Variants in RUFY3 observed in about 807,000 individuals in gnomAD.
RUFY3 encodes the protein protein RUFY3.
Under a neutral mutation model 84.0 loss-of-function variants are expected in RUFY3, and 34 were observed. The ratio of observed to expected loss-of-function variants is 0.40; its 90% CI spans 0.31 to 0.54. The LOEUF is 0.54. Among genes scored for constraint, RUFY3 ranks in the 20% least tolerant of loss-of-function variants. The pLI, the probability that RUFY3 is intolerant of heterozygous loss-of-function variation, is 0.39. For missense variants in RUFY3, 507 were observed against 736.8 expected (o/e 0.69, Z 3.61); for synonymous variants, 242 against 252.9 (o/e 0.96, Z 0.41).
chr4:70,757,204 G>C lies in RUFY3; in HGVS notation c.179-5315G>C, dbSNP rs573394228. 5.2e-4 allele frequency among the ~76,000 whole-genome samples: 79 copies of C among 152,340 alleles called. 2 individuals are homozygous for C. The South Asian group carries it at 0.016, about 31-fold the overall frequency. ...AGATGGGAGAATCACTTGAGCCTGG[G>C]AGATTGGGACTACAGTGAGTTGTGA... On this transcript the variant is annotated intron_variant, in intron 1 of 17. Coordinates refer to ENST00000381006, the MANE Select transcript of RUFY3 (RefSeq NM_001037442.4).
chr4:70,742,510 A>C (rs998111581), intron 1 of RUFY3, among the ~76,000 whole-genome samples: 2 of 152,122 alleles, frequency 1.3e-5, no homozygotes, highest in African/African-American at 4.8e-5. Context: ...CGCCTGTGCC[A>C]CCTGCGAACC....
chr4:70,778,587 T>TC, intron 8 of RUFY3, 149 bp downstream of exon 8: 1 of 499,712 alleles, frequency 2.0e-6, no homozygotes, highest in East Asian at 3.8e-5. Flanking sequence ...TTTTTTTTTT[T>TC]TTTTTTTTTG....
intron 4 of RUFY3, among the ~76,000 whole-genome samples, chr4:70,765,162 C>T (rs201236559): frequency 2.2e-5 from 3 of 136,040 alleles, no homozygotes; most frequent in Non-Finnish European, 3.1e-5. Context: ...CTCTTCAGCC[C>T]GGGCGACAGA....
intron 6 of RUFY3, among the ~76,000 whole-genome samples, chr4:70,774,113 C>T (rs1727435292): frequency 6.6e-6 from 1 of 152,038 alleles, no homozygotes; most frequent in South Asian, 2.1e-4. Context: ...ATAAATTTAG[C>T]CATTGAAAGC....
chr4:70,741,797 C>A, intron 1 of RUFY3: 1 of 664,526 alleles, frequency 1.5e-6, no homozygotes, highest in Non-Finnish European at 2.3e-6. Flanking sequence ...TTTCCCATGG[C>A]AATAAGTGGA....
intron 10 of RUFY3, among the ~76,000 whole-genome samples, chr4:70,788,209 C>T (rs1313905219): frequency 6.6e-6 from 1 of 151,430 alleles, no homozygotes; most frequent in East Asian, 2.0e-4. Flanking sequence ...CGCTTGAACC[C>T]GGGAGGTGGA....
intron 1 of RUFY3, among the ~76,000 whole-genome samples, chr4:70,729,811 A>G (rs1336843957): frequency 6.6e-6 from 1 of 152,146 alleles, no homozygotes; most frequent in African/African-American, 2.4e-5. Flanking sequence ...AAAGATGAAC[A>G]TTAGTAGTAG....
At chr4:70,792,629 C>T (rs899223271) in intron 12 of RUFY3, 3 of 985,342 alleles carry the variant, frequency 3.0e-6, no homozygotes, top group Non-Finnish European at 3.6e-6. Context: ...TGCTTTGCAG[C>T]ATTTCAGCTG....
chr4:70,725,392 G>A (rs956167442), intron 1 of RUFY3, among the ~76,000 whole-genome samples: 4 of 150,964 alleles, frequency 2.6e-5, no homozygotes, highest in South Asian at 2.1e-4. Context: ...GTGCAATGGC[G>A]CAATCTTGGC....
In RUFY3 at chr4:70,778,353, C is replaced by A. The variant is rs1173194636; in HGVS notation, c.825-16C>A. ...TGTTTTTCAAAAGTGACTTTTTTTT[C>A]TTCTCTATATTATAGTGCTACTGTA... On this transcript the variant is annotated splice_polypyrimidine_tract_variant and intron_variant, in intron 7 of 17. Transcript: ENST00000381006. The A allele has an allele frequency of 6.8e-7, 1 of 1,474,480 alleles. No homozygotes were observed. The allele number at this position is 1,474,480 out of a possible 1,614,324, so 91.3% of individuals were successfully genotyped here.
Position 70,775,956 on chromosome 4 carries a change from A to AC in RUFY3, c.824+723_824+724insC, listed in dbSNP as rs1356630180. On this transcript the variant is annotated intron_variant, in intron 7 of 17. Coordinates refer to ENST00000381006, the MANE Select transcript of RUFY3 (RefSeq NM_001037442.4). ...ACACTGTCTTAAACAAAAAAAAAAAAACGAAAAAAAAGATACATGCTTTGT... is the reference window on the plus strand; with the variant it reads ...ACACTGTCTTAAACAAAAAAAAAAAACACGAAAAAAAAGATACATGCTTTGT... Among the ~76,000 whole-genome samples the AC allele has an allele frequency of 1.4e-4, 21 of 151,472 alleles. No individual in the cohort carries two copies. The East Asian group carries it at 2.9e-3, about 21-fold the overall frequency.
At chr4:70,766,535 G>A (rs1004760385) in intron 4 of RUFY3, among the ~76,000 whole-genome samples, 19 of 152,034 alleles carry the variant, frequency 1.2e-4, no homozygotes, top group Admixed American at 4.6e-4. Flanking sequence ...GTGAGCCACC[G>A]CACCCGCCTG....
intron 12 of RUFY3, chr4:70,791,621 A>G (rs1344438855): frequency 1.0e-5 from 11 of 1,104,268 alleles, no homozygotes; most frequent in South Asian, 2.9e-5. Flanking sequence ...CTGTACATAT[A>G]CTAATGATGC....
intron 1 of RUFY3, among the ~76,000 whole-genome samples, chr4:70,751,887 T>C (rs758739004): frequency 5.3e-5 from 8 of 152,224 alleles, no homozygotes; most frequent in Non-Finnish European, 1.0e-4. Flanking sequence ...TTGAGCTTTT[T>C]AAAAAATTAT....
At chr4:70,803,579 G>A (rs896578713) in intron 16 of RUFY3, among the ~76,000 whole-genome samples, 3 of 151,930 alleles carry the variant, frequency 2.0e-5, no homozygotes, top group East Asian at 3.9e-4. Context: ...TCTGCCTCCC[G>A]AGTAGCTAGG....
intron 1 of RUFY3, among the ~76,000 whole-genome samples, chr4:70,744,433 T>C (rs978375121): frequency 2.0e-5 from 3 of 151,334 alleles, no homozygotes; most frequent in Admixed American, 1.3e-4. Flanking sequence ...ACTCCTAGGC[T>C]CAAACGATCC....
chr4:70,770,205 A>G (rs1048229134), intron 5 of RUFY3, among the ~76,000 whole-genome samples: 2 of 152,212 alleles, frequency 1.3e-5, no homozygotes, highest in Non-Finnish European at 2.9e-5. Flanking sequence ...GTAAATGAGC[A>G]CTGGCTTCAA....
At position 70,808,397 on chromosome 4, in the gene RUFY3, A is replaced by G. The variant is rs1178147152; in HGVS notation, c.*1738A>G. Among the ~76,000 whole-genome samples, 1 of 152,178 alleles carries G rather than the reference A, an allele frequency of 6.6e-6. No homozygotes were observed. The highest frequency in any genetic ancestry group is 2.4e-5 in the African/African-American group (1 of 41,420). ...TTGATTCTGTTACGTGTGTCTATAG[A>G]TTGTTTCATTCTAATCAAGACCTAA... On this transcript the variant is annotated 3_prime_UTR_variant, in exon 18 of 18. Transcript: ENST00000381006.
chr4:70,786,056 A>T (rs1343674102), intron 10 of RUFY3, among the ~76,000 whole-genome samples: 1 of 152,226 alleles, frequency 6.6e-6, no homozygotes, highest in Non-Finnish European at 1.5e-5. Flanking sequence ...ACACAATGGG[A>T]TGCTATTCAG....
Sources: gnomAD v4.1 joint callset for allele counts (sites outside exome capture counted in the v4.1 genomes callset) on GRCh38, gnomAD v4.1.1 for gene constraint, MANE v1.5 for transcripts, NCBI Gene and HGNC (gene_info 2026-07-23, HGNC 2026-07-21) for gene names.